PTPRN2: variants seen among roughly 807,000 people sequenced by gnomAD.
The protein encoded by PTPRN2 is receptor-type tyrosine-protein phosphatase N2.
PTPRN2 carries 74 observed loss-of-function variants against 118.8 expected under a neutral mutation model. The ratio of observed to expected loss-of-function variants is 0.62; its 90% CI spans 0.52 to 0.76. The LOEUF is 0.76. PTPRN2 is among the 30% of genes least tolerant of loss of function. The pLI, the probability that PTPRN2 is intolerant of heterozygous loss-of-function variation, is 0.00. For synonymous variants in PTPRN2, 641 were observed against 608.0 expected (o/e 1.05, Z -0.80); for missense variants, 1,481 against 1,394.4 (o/e 1.06, Z -0.99).
chr7:158,541,625 G>C (rs777300744), intron 1 of PTPRN2: 1 of 1,349,260 alleles, frequency 7.4e-7, no homozygotes, highest in Non-Finnish European at 9.8e-7. Flanking sequence ...CATTTCACAA[G>C]CTCTTTGCAA....
intron 3 of PTPRN2, among the ~76,000 whole-genome samples, chr7:158,263,524 T>G (rs1232846235): frequency 6.6e-6 from 1 of 152,244 alleles, no homozygotes; most frequent in Non-Finnish European, 1.5e-5. Flanking sequence ...GGCAGGCCCA[T>G]CAGCATCTGC....
At chr7:158,578,093 CAG>C (rs1340170985) in intron 1 of PTPRN2, among the ~76,000 whole-genome samples, 1 of 152,210 alleles carries the variant, frequency 6.6e-6, no homozygotes, top group East Asian at 1.9e-4. Context: ...CACTTAAAAA[CAG>C]TGCAACCTAG....
At chr7:158,150,699 G>C (rs998857907) in intron 6 of PTPRN2, among the ~76,000 whole-genome samples, 2 of 152,038 alleles carry the variant, frequency 1.3e-5, no homozygotes, top group Non-Finnish European at 2.9e-5. Flanking sequence ...GTCATGCAGA[G>C]GGAAGAATGT....
chr7:157,821,004 C>A (rs1050447872), intron 12 of PTPRN2, among the ~76,000 whole-genome samples: 4 of 152,144 alleles, frequency 2.6e-5, no homozygotes, highest in Non-Finnish European at 4.4e-5. Flanking sequence ...GTGCACCCTG[C>A]AGCCTGGTGG....
intron 11 of PTPRN2, among the ~76,000 whole-genome samples, chr7:157,960,104 A>G (rs192474983): frequency 6.7e-5 from 10 of 148,238 alleles, no homozygotes; most frequent in African/African-American, 2.5e-4. Context: ...TTATGATCCC[A>G]CTTCTCTGAG....
chr7:157,872,457 G>A (rs111867878), intron 12 of PTPRN2, among the ~76,000 whole-genome samples: 2,664 of 89,954 alleles, frequency 0.03, 126 homozygotes, highest in East Asian at 0.14. Context: ...CCCCACACAC[G>A]CATATCCAGT....
chr7:157,574,173 A>C (rs2150519977), intron 19 of PTPRN2, among the ~76,000 whole-genome samples: 1 of 152,296 alleles, frequency 6.6e-6, no homozygotes, highest in South Asian at 2.1e-4. Context: ...GTATCATAGA[A>C]ACTTCCACAA....
intron 2 of PTPRN2, among the ~76,000 whole-genome samples, chr7:158,484,589 C>G (rs1052974509): frequency 1.3e-5 from 2 of 152,226 alleles, no homozygotes; most frequent in Admixed American, 1.3e-4. Flanking sequence ...CCGTGAACTC[C>G]TGATCTCAAG....
intron 2 of PTPRN2, among the ~76,000 whole-genome samples, chr7:158,373,220 G>T (rs575716120): frequency 6.6e-6 from 1 of 152,216 alleles, no homozygotes; most frequent in African/African-American, 2.4e-5. Context: ...CTGCGGAATC[G>T]CATTATGGAA....
At chr7:157,859,983 C>T (rs1448960111) in intron 12 of PTPRN2, among the ~76,000 whole-genome samples, 7 of 148,682 alleles carry the variant, frequency 4.7e-5, no homozygotes, top group Middle Eastern at 3.5e-3. Flanking sequence ...GGGAGAGCCC[C>T]GGCCACCACC....
At chr7:157,640,640 C>T (rs139829399) in intron 14 of PTPRN2, among the ~76,000 whole-genome samples, 48 of 152,220 alleles carry the variant, frequency 3.2e-4, no homozygotes, top group Admixed American at 1.5e-3. Flanking sequence ...CAGGAAGGAG[C>T]GGCCCACAAA....
chr7:158,568,023 C>A (rs562959386), intron 1 of PTPRN2, among the ~76,000 whole-genome samples: 1 of 152,280 alleles, frequency 6.6e-6, no homozygotes, highest in South Asian at 2.1e-4. Context: ...GAGGCTGATG[C>A]AGGCAGATCA....
chr7:158,326,063 A>G (rs1028182477), intron 2 of PTPRN2, among the ~76,000 whole-genome samples: 8 of 152,130 alleles, frequency 5.3e-5, no homozygotes, highest in Admixed American at 4.6e-4. Context: ...CTTTCCAGAG[A>G]GAATGGGACC....
intron 11 of PTPRN2, among the ~76,000 whole-genome samples, chr7:157,997,321 G>A (rs1431581669): frequency 6.6e-6 from 1 of 152,270 alleles, no homozygotes; most frequent in African/African-American, 2.4e-5. Flanking sequence ...CCAAGGATGG[G>A]GCAGGCCCCA....
At chr7:158,352,023 TCCCCTCCTGTCCGCTCCCCTCCTGA>T in intron 2 of PTPRN2, among the ~76,000 whole-genome samples, 1 of 122,450 alleles carries the variant, frequency 8.2e-6, no homozygotes, top group African/African-American at 3.1e-5. Flanking sequence ...TCCTGACCGC[TCCCCTCCTGTCCGCTCCCCTCCTGA>T]CCGCTCCCCT....
At chr7:158,456,145 C>T (rs537839011) in intron 2 of PTPRN2, among the ~76,000 whole-genome samples, 3 of 149,490 alleles carry the variant, frequency 2.0e-5, no homozygotes, top group Admixed American at 6.7e-5. Context: ...GAGAAGATAA[C>T]GGCATGGACG....
At chr7:157,580,373 C>T (rs889093709) in intron 17 of PTPRN2, among the ~76,000 whole-genome samples, 1 of 152,080 alleles carries the variant, frequency 6.6e-6, no homozygotes, top group Non-Finnish European at 1.5e-5. Context: ...ACTGGCACTT[C>T]CTGTTTGGTG....
intron 3 of PTPRN2, among the ~76,000 whole-genome samples, chr7:158,206,595 G>A (rs1391681138): frequency 2.0e-5 from 3 of 151,940 alleles, no homozygotes; most frequent in South Asian, 4.1e-4. Flanking sequence ...CCGTCCGTTC[G>A]TTTGTCTCGG....
chr7:158,278,855 T>C (rs1334943594), intron 3 of PTPRN2, among the ~76,000 whole-genome samples: 1 of 152,078 alleles, frequency 6.6e-6, no homozygotes, highest in African/African-American at 2.4e-5. Context: ...GGGTTCGTGG[T>C]CTCTATGGCT....
Sources: gnomAD v4.1 joint callset for allele counts (sites outside exome capture counted in the v4.1 genomes callset) on GRCh38, gnomAD v4.1.1 for gene constraint, MANE v1.5 for transcripts, NCBI Gene and HGNC (gene_info 2026-07-23, HGNC 2026-07-21) for gene names.